Variants in MARCHF1 observed in about 807,000 individuals in gnomAD.
MARCHF1 encodes E3 ubiquitin-protein ligase MARCHF1.
In MARCHF1, 40 loss-of-function variants were observed where a neutral mutation model predicts 54.2. The observed-to-expected ratio is 0.74, with a 90% CI of 0.57 to 0.96. The LOEUF (loss-of-function observed/expected upper bound fraction) is 0.96, where lower values mean the gene tolerates loss of function less well. Ranked by LOEUF, MARCHF1 falls within the 40% of genes least tolerant of loss-of-function variation. The pLI is 0.00. For missense variants in MARCHF1, 586 were observed against 656.5 expected (o/e 0.89, Z 1.17); for synonymous variants, 236 against 236.3 (o/e 1.00, Z 0.01).
chr4:163,696,354 A>G (rs1444343885), intron 5 of MARCHF1, among the ~76,000 whole-genome samples: 1 of 152,178 alleles, frequency 6.6e-6, no homozygotes, highest in Non-Finnish European at 1.5e-5. Context: ...TTTATAAGAC[A>G]CAGTCCTGAA....
intron 8 of MARCHF1, among the ~76,000 whole-genome samples, chr4:163,549,671 T>G (rs1216747514): frequency 8.8e-6 from 1 of 113,298 alleles, no homozygotes; most frequent in Non-Finnish European, 1.8e-5. Flanking sequence ...TTTACTGTTC[T>G]TGCTTTTGAT....
intron 4 of MARCHF1, among the ~76,000 whole-genome samples, chr4:163,720,789 A>G (rs1240416928): frequency 6.6e-6 from 1 of 152,190 alleles, no homozygotes; most frequent in Non-Finnish European, 1.5e-5. Context: ...TCTTTGAAGC[A>G]ATTGTGAATG....
intron 1 of MARCHF1, among the ~76,000 whole-genome samples, chr4:164,245,089 C>T (rs1002373629): frequency 1.1e-4 from 17 of 152,220 alleles, no homozygotes; most frequent in East Asian, 1.9e-4. Context: ...AAAGAGGGAA[C>T]CCTCCCTAAC....
intron 5 of MARCHF1, among the ~76,000 whole-genome samples, chr4:163,647,822 A>G (rs1456679550): frequency 6.6e-6 from 1 of 151,840 alleles, no homozygotes; most frequent in Admixed American, 6.6e-5. Context: ...CAAATAAATA[A>G]CCTATGTTTC....
At chr4:164,241,378 G>T (rs4411941) in intron 1 of MARCHF1, among the ~76,000 whole-genome samples, 144,502 of 152,220 alleles carry the variant, frequency 0.95, 68,647 homozygotes, top group East Asian at 0.99. Context: ...CATTGCTGTT[G>T]TGCTCCTTTG....
At chr4:164,281,608 T>C (rs1172104507) in intron 1 of MARCHF1, among the ~76,000 whole-genome samples, 2 of 152,148 alleles carry the variant, frequency 1.3e-5, no homozygotes, top group Non-Finnish European at 2.9e-5. Flanking sequence ...TGGAGAATTA[T>C]AGGGGAACTA....
chr4:164,185,747 C>T (rs777564720), intron 1 of MARCHF1, among the ~76,000 whole-genome samples: 32 of 151,342 alleles, frequency 2.1e-4, no homozygotes, highest in Non-Finnish European at 4.1e-4. Flanking sequence ...AAAAAGTAAA[C>T]ACTAAAATTG....
At chr4:163,660,537 T>G (rs527845494) in intron 5 of MARCHF1, among the ~76,000 whole-genome samples, 1 of 151,908 alleles carries the variant, frequency 6.6e-6, no homozygotes, top group African/African-American at 2.4e-5. Flanking sequence ...AACCTGCACA[T>G]TCTGCACATG....
intron 1 of MARCHF1, among the ~76,000 whole-genome samples, chr4:164,268,616 T>C (rs909872359): frequency 3.3e-5 from 5 of 152,264 alleles, no homozygotes; most frequent in African/African-American, 4.8e-5. Context: ...TAATATCTAT[T>C]CACCAAGCTC....
chr4:164,024,345 C>T (rs1326578709), intron 2 of MARCHF1, among the ~76,000 whole-genome samples: 1 of 152,094 alleles, frequency 6.6e-6, no homozygotes, highest in Non-Finnish European at 1.5e-5. Context: ...AGAGATGAGT[C>T]AAGTTATATA....
chr4:164,213,278 G>C (rs1422628062), intron 1 of MARCHF1, among the ~76,000 whole-genome samples: 1 of 150,368 alleles, frequency 6.7e-6, no homozygotes, highest in Non-Finnish European at 1.5e-5. Flanking sequence ...CTGTGGCCCA[G>C]GCTGGAGTGC....
At chr4:164,291,124 T>C (rs12509765) in intron 1 of MARCHF1, among the ~76,000 whole-genome samples, 1 of 151,912 alleles carries the variant, frequency 6.6e-6, no homozygotes, top group Non-Finnish European at 1.5e-5. Context: ...ACAAAGCATA[T>C]GATCAGATTA....
At chr4:163,854,284 A>G (rs181738465) in intron 3 of MARCHF1, 115 bp from the exon 4 acceptor site, 2 of 778,672 alleles carry the variant, frequency 2.6e-6, no homozygotes, top group Non-Finnish European at 3.9e-6. Context: ...AGACTTTTTT[A>G]AAAAAACCAG....
At chr4:164,377,412 A>G (rs796126693) in intron 1 of MARCHF1, among the ~76,000 whole-genome samples, 8 of 152,388 alleles carry the variant, frequency 5.2e-5, no homozygotes, top group African/African-American at 1.9e-4. Flanking sequence ...ACAAGAAATC[A>G]GTCTGTATCA....
chr4:164,051,006 C>T (rs1159600282), intron 2 of MARCHF1, among the ~76,000 whole-genome samples: 1 of 152,120 alleles, frequency 6.6e-6, no homozygotes, highest in Non-Finnish European at 1.5e-5. Flanking sequence ...AGAAGTACTA[C>T]TATTCTAACT....
chr4:164,065,309 TA>T (rs1417358443), intron 2 of MARCHF1, among the ~76,000 whole-genome samples: 1 of 152,168 alleles, frequency 6.6e-6, no homozygotes, highest in East Asian at 1.9e-4. Context: ...ATTAAAGACT[TA>T]AATGTAAAAC....
chr4:164,036,448 G>T lies in MARCHF1; in HGVS notation c.-247-47739C>A, dbSNP rs114102266. ...CTAACCTATAGAATTACCTTCTAGTGATTCCAATGCTGTCTGAAAATATAT... is the reference window on the plus strand; with the variant it reads ...CTAACCTATAGAATTACCTTCTAGTTATTCCAATGCTGTCTGAAAATATAT... On this transcript the variant is annotated intron_variant, in intron 2 of 9. Coordinates refer to ENST00000514618, the MANE Select transcript of MARCHF1 (RefSeq NM_001394959.1). Among the ~76,000 whole-genome samples the T allele has an allele frequency of 9.8e-3, 1,489 of 152,206 alleles. 18 individuals carry two copies. The highest frequency in any genetic ancestry group is 0.033 in the African/African-American group (1,367 of 41,538).
chr4:163,982,300 C>T (rs1752779149), intron 3 of MARCHF1, among the ~76,000 whole-genome samples: 1 of 152,206 alleles, frequency 6.6e-6, no homozygotes, highest in Non-Finnish European at 1.5e-5. Flanking sequence ...TTGGCATTCA[C>T]CCTGTAGTGT....
At chr4:163,737,627 T>C (rs1170426283) in intron 4 of MARCHF1, among the ~76,000 whole-genome samples, 1 of 126,556 alleles carries the variant, frequency 7.9e-6, no homozygotes, top group African/African-American at 2.5e-5. Flanking sequence ...TGTTGGACAT[T>C]TGGGTTTGCA....
Sources: gnomAD v4.1 joint callset for allele counts (sites outside exome capture counted in the v4.1 genomes callset) on GRCh38, gnomAD v4.1.1 for gene constraint, MANE v1.5 for transcripts, NCBI Gene and HGNC (gene_info 2026-07-23, HGNC 2026-07-21) for gene names.